The following LTBP3 variants were observed in gnomAD, a reference collection of about 807,000 sequenced individuals.
The protein encoded by LTBP3 is latent transforming growth factor beta binding protein 3, also known as latent-transforming growth factor beta-binding protein 3.
A neutral mutation model predicts 159.7 loss-of-function variants in LTBP3; 97 were observed. The ratio of observed to expected loss-of-function variants is 0.61; its 90% confidence interval spans 0.52 to 0.72. The LOEUF is 0.72. Among genes scored for constraint, LTBP3 ranks in the 30% least tolerant of loss-of-function variants. The pLI is 0.00. For synonymous variants in LTBP3, 824 were observed against 777.1 expected (o/e 1.06, Z -1.00); for missense variants, 1,584 against 1,864.3 (o/e 0.85, Z 2.77).
At position 65,539,670 on chromosome 11, in the gene LTBP3, G is replaced by A. The variant is rs781038627; in HGVS notation, c.3548-42C>T. On this transcript the variant is annotated intron_variant, in intron 25 of 27. Coordinates refer to ENST00000301873, the MANE Select transcript of LTBP3 (RefSeq NM_001130144.3). The stretch of plus-strand genomic sequence containing the variant: ...TGGTCAGCGACGTCCGGGTCCCCGG[G>A]CCCTGGCCCCCATCCTCGCTCCCGG... 6.9e-6 allele frequency: 11 copies of A among 1,585,598 alleles called. No individual in the cohort carries two copies. The Admixed American group carries it at 1.7e-4, about 25-fold the overall frequency.
Position 65,551,195 on chromosome 11 carries a change from T to A in LTBP3, c.1651A>T (p.Met551Leu). The A allele has an allele frequency of 6.4e-7, 1 of 1,550,650 alleles. No homozygotes were observed. The highest frequency in any genetic ancestry group is 8.7e-7 in the Non-Finnish European group (1 of 1,147,948). ...ELISRPSPPT[M>L]RWFLPDLPPS... ...GGCAAGTCCGGCAGGAACCAGCGCA[T>A]GGTCGGGGGCGAGGGACGGGAGATC... is the stretch of plus-strand genomic sequence containing the variant. Residue 551 changes from methionine (M) to leucine (L), a missense_variant, in exon 11 of 28, where the codon ATG becomes TTG. Met to Leu is a conservative substitution (Grantham distance 15). This residue lies in a region of LTBP3 where 565 missense variants were observed against 677.7 expected (regional missense o/e 0.83). Coordinates refer to ENST00000301873, the MANE Select transcript of LTBP3 (RefSeq NM_001130144.3).
chr11:65,547,929 A>G lies in LTBP3; in HGVS notation c.1837T>C (p.Tyr613His), dbSNP rs1856448820. The change falls in exon 12 of 28, where the codon TAC becomes CAC. Residue 613 changes from tyrosine (Y) to histidine (H), a missense_variant. Coordinates refer to ENST00000301873, the MANE Select transcript of LTBP3 (RefSeq NM_001130144.3). The surrounding 1 kb of genome is among the most constrained non-coding windows in gnomAD (Gnocchi z 4.6). ...CCTGCCCTGCGCTCACCCACGCAGT[A>G]GCGGTGCTGGGGATGTGACCGGTAG... ...PGYRSHPQHR[Y>H]CVDVNECEAE... 2 of 1,613,774 alleles carry G rather than the reference A, an allele frequency of 1.2e-6. No homozygotes were observed. The highest frequency in any genetic ancestry group is 1.7e-6 in the Non-Finnish European group (2 of 1,179,970).
Position 65,541,726 on chromosome 11 carries a change from T to C in LTBP3, c.2599A>G (p.Ile867Val). 1.2e-6 allele frequency: 2 copies of C among 1,614,024 alleles called. No individual in the cohort carries two copies. The highest frequency in any genetic ancestry group is 1.3e-5 in the African/African-American group (1 of 75,022). ...RLVGGRKCQD[I>V]DECSQDPSLC... is the part of the protein sequence containing the mutation. ...CTCGGGTCCTGGCTGCACTCATCTA[T>C]GTCTGCGGGGCAAGAGTAGCGCAGC... is the stretch of plus-strand genomic sequence containing the variant. Residue 867 changes from isoleucine (I) to valine (V), a missense_variant and splice_region_variant, in exon 19 of 28, where the codon ATA (isoleucine) becomes GTA (valine). Around this residue, in one of 6 missense-constraint regions of LTBP3, gnomAD observed 565 missense variants for 677.7 expected, o/e 0.83. Coordinates refer to ENST00000301873, the MANE Select transcript of LTBP3 (RefSeq NM_001130144.3).
At chr11:65,548,276 C>A in intron 11 of LTBP3, 2 of 645,560 alleles carry the variant, frequency 3.1e-6, no homozygotes, top group Admixed American at 2.5e-5. Flanking sequence ...CACACCCAGG[C>A]CCGGATACTT....
In LTBP3 at chr11:65,541,604, A is replaced by G. The variant is rs570025632; in HGVS notation, c.2721T>C (p.Cys907=). The change falls in exon 19 of 28, where the codon TGT becomes TGC. Residue 907 remains cysteine, a synonymous_variant. Coordinates refer to ENST00000301873, the MANE Select transcript of LTBP3 (RefSeq NM_001130144.3). The stretch of plus-strand genomic sequence containing the variant: ...AGGAGCTGGGAGGACACTCACCCTC[A>G]CAACCGTGCTGGTCCTGGGTGGGAG... ...GFTPTQDQHG[C]EEVEQPHHKK... is the part of the protein sequence containing the mutation. 1 of 1,614,146 alleles carries G rather than the reference A, an allele frequency of 6.2e-7. No individual in the cohort carries two copies. The highest frequency in any genetic ancestry group is 1.3e-5 in the African/African-American group (1 of 75,042).
chr11:65,546,517 C>T lies in LTBP3; in HGVS notation c.2278G>A (p.Glu760Lys). The stretch of plus-strand genomic sequence containing the variant: ...CAGCGGAAGGAGCCCGGGAGGTTCT[C>T]GCACCAGCCAGGCGAGCAGGGGCTG... ...EGSPCSPGWC[E>K]NLPGSFRCTC... is the part of the protein sequence containing the mutation. The change falls in exon 16 of 28, where the codon GAG becomes AAG. Residue 760 changes from glutamate to lysine, a missense_variant. This residue lies in a region of LTBP3 where 565 missense variants were observed against 677.7 expected (regional missense o/e 0.83). Coordinates refer to ENST00000301873, the MANE Select transcript of LTBP3 (RefSeq NM_001130144.3). The surrounding 1 kb of genome is among the most constrained non-coding windows in gnomAD (Gnocchi z 4.0). 6.2e-7 allele frequency: 1 copy of T among 1,601,134 alleles called. No individual in the cohort carries two copies. Among genetic ancestry groups the T allele is most frequent in the Non-Finnish European group, 8.5e-7 (1 of 1,179,294 alleles).
chr11:65,550,781 G>A (rs779460566), intron 11 of LTBP3, among the ~76,000 whole-genome samples: 6 of 152,062 alleles, frequency 3.9e-5, no homozygotes, highest in Non-Finnish European at 8.8e-5. Context: ...CCGAGATTGC[G>A]CCACTGCACT....
chr11:65,557,477 C>G, intron 1 of LTBP3, 152 bp downstream of exon 1: 1 of 1,050,828 alleles, frequency 9.5e-7, no homozygotes. Context: ...TCCAGCCTCC[C>G]AAGTTCCCTG....
rs1590757644 is a variant in LTBP3, at chr11:65,540,000, C to A, written c.3385+13G>T. ...GGGCCCCGGGATCGGCCAAGGCCAA[C>A]CCTCGCCCTCACCGGCCGGGCTCTC... On this transcript the variant is annotated intron_variant, in intron 24 of 27. Transcript: ENST00000301873. 4.7e-6 allele frequency: 7 copies of A among 1,489,342 alleles called. No homozygotes were observed. The highest frequency in any genetic ancestry group is 4.2e-4 in the Middle Eastern group (2 of 4,790). The allele number at this position is 1,489,342 out of a possible 1,614,324, so 92.3% of individuals were successfully genotyped here. A position where few individuals can be genotyped will look rare whatever the true frequency, so the allele number is the denominator to read the frequency against.
chr11:65,543,738 T>C (rs1034068786), intron 16 of LTBP3, 189 bp from the exon 17 acceptor site: 19 of 698,868 alleles, frequency 2.7e-5, no homozygotes, highest in South Asian at 1.3e-4. Flanking sequence ...CCAGGGTCCC[T>C]AGGCCAGGTC....
In LTBP3 at chr11:65,539,862, G is replaced by A. The variant is rs1324573571; in HGVS notation, c.3405C>T (p.Arg1135=). 2.0e-6 allele frequency: 3 copies of A among 1,517,172 alleles called. No homozygotes were observed. The highest frequency in any genetic ancestry group is 2.6e-6 in the Non-Finnish European group (3 of 1,139,750). 94.0% of individuals were successfully genotyped at this position (1,517,172 alleles called of 1,614,324 possible). The part of the protein sequence containing the change: ...ESPAERAPER[R]DVCWSQRGED... ...CTCCGCGCTGGCTCCAGCACACGTC[G>A]CGCCGCTCCGGGGCACGCTCTGCGG... Residue 1135 remains arginine (R), a synonymous_variant, in exon 25 of 28, where the codon CGC becomes CGT. Coordinates refer to ENST00000301873, the MANE Select transcript of LTBP3 (RefSeq NM_001130144.3).
intron 18 of LTBP3, chr11:65,542,185 C>A (rs1317204766): frequency 3.9e-6 from 1 of 257,826 alleles, no homozygotes; most frequent in South Asian, 4.2e-5. Flanking sequence ...TAGGGAACTC[C>A]TACTTACGTT....
chr11:65,552,241 G>T lies in LTBP3; in HGVS notation c.1345+7C>A, dbSNP rs72939112. ...TGAACCCCTATCCCCGGGTAACCCT[G>T]ACTCACCGGTGCCATCTGTTGGGCA... On this transcript the variant is annotated splice_region_variant and intron_variant, in intron 7 of 27. Transcript: ENST00000301873. This position sits in a 1 kb window ranked among gnomAD's most constrained non-coding sequence, Gnocchi z 6.0. 6.2e-7 allele frequency: 1 copy of T among 1,614,130 alleles called. No individual in the cohort carries two copies. The highest frequency in any genetic ancestry group is 8.5e-7 in the Non-Finnish European group (1 of 1,180,008).
intron 21 of LTBP3, 124 bp downstream of exon 21, chr11:65,540,747 G>T: frequency 6.8e-7 from 1 of 1,476,676 alleles, no homozygotes; most frequent in Non-Finnish European, 9.3e-7. Context: ...GGCGGGGCCT[G>T]CGAGGAAGGT....
chr11:65,556,147 T>G (rs922125673), intron 1 of LTBP3, among the ~76,000 whole-genome samples: 1 of 151,996 alleles, frequency 6.6e-6, no homozygotes, highest in Admixed American at 6.6e-5. Context: ...GCCTGGGAGA[T>G]GGACACACGT....
chr11:65,549,250 T>C (rs1279332521), intron 11 of LTBP3, among the ~76,000 whole-genome samples: 1 of 152,214 alleles, frequency 6.6e-6, no homozygotes, highest in Admixed American at 6.5e-5. Context: ...CAAGGCTCAG[T>C]GCACTGGACT....
chr11:65,549,744 C>T (rs1454416802), intron 11 of LTBP3, among the ~76,000 whole-genome samples: 2 of 120,990 alleles, frequency 1.7e-5, no homozygotes, highest in African/African-American at 6.1e-5. Flanking sequence ...CACAGGAAAA[C>T]TCCCCAGGCC....
In LTBP3 at chr11:65,539,085, G is replaced by C; in HGVS notation, c.3907C>G (p.Arg1303Gly). The change falls in exon 28 of 28, where the codon CGC becomes GGC. Residue 1303 changes from arginine to glycine, a missense_variant. Physicochemically the swap from Arg to Gly is moderately radical, Grantham distance 125. Coordinates refer to ENST00000301873, the MANE Select transcript of LTBP3 (RefSeq NM_001130144.3). ...PHGACVPQRR[R>G] ...CGAGGGCGGCGTCGGCGGCGTCAGCGGCGGCGCTGGGGAACGCAGGCCCCG... is the reference window on the plus strand; with the variant it reads ...CGAGGGCGGCGTCGGCGGCGTCAGCCGCGGCGCTGGGGAACGCAGGCCCCG... 7.1e-7 allele frequency: 1 copy of C among 1,405,050 alleles called. No individual in the cohort carries two copies. Among genetic ancestry groups the C allele is most frequent in the Non-Finnish European group, 9.3e-7 (1 of 1,079,680 alleles). The allele number at this position is 1,405,050 out of a possible 1,614,324, so 87.0% of individuals were successfully genotyped here.
Position 65,558,295 on chromosome 11 carries a change from G to C in LTBP3, c.-336C>G. The C allele has an allele frequency of 7.3e-6, 6 of 822,158 alleles. No individual in the cohort carries two copies. Among genetic ancestry groups the C allele is most frequent in the Non-Finnish European group, 9.0e-6 (6 of 664,770 alleles). 50.9% of individuals were successfully genotyped at this position (822,158 alleles called of 1,614,324 possible). The stretch of plus-strand genomic sequence containing the variant: ...GCCGGCCCGCTCCGCGCCTCCCCCT[G>C]GCCGGGCTCCTCTCCCGCGGCCGCG... On this transcript the variant is annotated 5_prime_UTR_variant, in exon 1 of 28. Coordinates refer to ENST00000301873, the MANE Select transcript of LTBP3 (RefSeq NM_001130144.3).
Sources: allele counts gnomAD v4.1 joint callset (sites outside exome capture counted in the v4.1 genomes callset), GRCh38; gene constraint gnomAD v4.1.1; regional missense constraint gnomAD v4.1.1; non-coding constraint Gnocchi (gnomAD v3.1); transcripts MANE v1.5; gene names NCBI Gene and HGNC (gene_info 2026-07-23, HGNC 2026-07-21).